Variants in SETX observed in about 807,000 individuals in gnomAD.
The protein encoded by SETX is senataxin, also known as helicase senataxin.
A neutral mutation model predicts 227.2 loss-of-function variants in SETX; 90 were observed. That is an observed-to-expected ratio of 0.40 (90% CI 0.33 to 0.47). The LOEUF (loss-of-function observed/expected upper bound fraction) is 0.47. Among genes scored for constraint, SETX ranks in the 20% least tolerant of loss-of-function variants. SETX has a pLI of 0.91. For missense variants in SETX, 3,052 were observed against 3,181.5 expected (o/e 0.96, Z 0.98); for synonymous variants, 1,210 against 1,113.2 (o/e 1.09, Z -1.73).
intron 15 of SETX, among the ~76,000 whole-genome samples, chr9:132,291,012 A>C (rs1183430251): frequency 2.6e-5 from 4 of 152,044 alleles, no homozygotes; most frequent in Admixed American, 2.6e-4. Context: ...TTTGATCACC[A>C]CCTAGAAGAG....
Position 132,328,650 on chromosome 9 carries a change from T to C in SETX, c.2948A>G (p.Asn983Ser), listed in dbSNP as rs1847014735. Residue 983 changes from asparagine to serine, a missense_variant, in exon 10 of 26, where the codon AAC becomes AGC. This residue lies in a region of SETX where 1,483 missense variants were observed against 1,312.0 expected (regional missense o/e 1.13). Transcript: ENST00000224140. ...TACTTTCCTTTGCAGCTGCGATGAGTTCTGAGGTGAATCGGATGGGAACGT... is the reference window on the plus strand; with the variant it reads ...TACTTTCCTTTGCAGCTGCGATGAGCTCTGAGGTGAATCGGATGGGAACGT... ...VITFPSDSPQ[N>S]SSQLQRKVKE... The C allele has an allele frequency of 1.9e-6, 3 of 1,613,414 alleles. No individual in the cohort carries two copies. The highest frequency in any genetic ancestry group is 1.1e-5 in the South Asian group (1 of 90,960).
In SETX at chr9:132,298,161, G is replaced by A. The variant is rs140223388; in HGVS notation, c.5700C>T (p.Asn1900=). Residue 1900 remains asparagine, a synonymous_variant, in exon 13 of 26, where the codon AAC becomes AAT. Transcript: ENST00000224140. ...GATTCAGAACAGCTCTAGCCAGTTG[G>A]TTCCGACTACCCAACAGAGACATGG... ...LKAMSLLGSR[N]QLARAVLNPN... 2 of 1,613,940 alleles carry A rather than the reference G, an allele frequency of 1.2e-6. No individual in the cohort carries two copies. The highest frequency in any genetic ancestry group is 2.7e-5 in the African/African-American group (2 of 74,888).
At chr9:132,295,745 C>T (rs983110151) in intron 15 of SETX, 127 bp downstream of exon 15, 7 of 891,146 alleles carry the variant, frequency 7.9e-6, no homozygotes, top group Non-Finnish European at 1.2e-5. Flanking sequence ...GCTAAATGAA[C>T]TCACAAGCCA....
At chr9:132,276,299 T>C (rs1356706129) in intron 22 of SETX, among the ~76,000 whole-genome samples, 1 of 152,182 alleles carries the variant, frequency 6.6e-6, no homozygotes, top group Non-Finnish European at 1.5e-5. Context: ...TTAAAACCTT[T>C]AGGCTGCAGT....
chr9:132,297,991 G>T, intron 13 of SETX, 89 bp downstream of exon 13: 1 of 1,122,792 alleles, frequency 8.9e-7, no homozygotes, highest in Non-Finnish European at 1.3e-6. Context: ...CATTTTTGTT[G>T]TAAACATATA....
chr9:132,292,637 T>TA (rs1844407777), intron 15 of SETX, among the ~76,000 whole-genome samples: 1 of 148,360 alleles, frequency 6.7e-6, no homozygotes, highest in South Asian at 2.1e-4. Flanking sequence ...TTTTTTTTTT[T>TA]TTTTTTTTTG....
intron 15 of SETX, among the ~76,000 whole-genome samples, chr9:132,290,770 C>A (rs13290812): frequency 2.0e-5 from 3 of 151,896 alleles, no homozygotes; most frequent in Non-Finnish European, 4.4e-5. Flanking sequence ...GTGGCCTCCC[C>A]CTGTGGTCCC....
rs145970369 is a variant in SETX at position 132,334,276 on chromosome 9, T to C, written c.838+332A>G. 3.1e-4 allele frequency among the ~76,000 whole-genome samples: 47 copies of C among 152,176 alleles called. 1 individual carries two copies. In the East Asian group the frequency reaches 9.1e-3, roughly 29 times the overall value. ...GCCTGACCAACGTGGTGAAACCCCGTCTCTACTAAAAATACAAAAAAATTA... is the reference window on the plus strand; with the variant it reads ...GCCTGACCAACGTGGTGAAACCCCGCCTCTACTAAAAATACAAAAAAATTA... On this transcript the variant is annotated intron_variant, in intron 7 of 25. Coordinates refer to ENST00000224140, the MANE Select transcript of SETX (RefSeq NM_015046.7).
intron 5 of SETX, among the ~76,000 whole-genome samples, chr9:132,340,317 G>T (rs1847883726): frequency 6.6e-6 from 1 of 152,044 alleles, no homozygotes; most frequent in Non-Finnish European, 1.5e-5. Context: ...ATTTCTTCTA[G>T]CATGTTTACT....
intron 15 of SETX, 79 bp downstream of exon 15, chr9:132,295,793 T>C (rs1564500686): frequency 1.5e-6 from 2 of 1,333,338 alleles, no homozygotes; most frequent in Non-Finnish European, 2.1e-6. Context: ...ACTGGCCTGC[T>C]CTTTCCTTTG....
Position 132,264,927 on chromosome 9 carries a change from TTAA to T in SETX, c.7343_7345del (p.Ile2448del). ...ATGTCTATAGTTTTTGTCACAGGTC[TTAA>T]TAATGGCACCACGCTTCTGAGCATC... On this transcript the variant is annotated inframe_deletion, in exon 26 of 26. Transcript: ENST00000224140. The T allele has an allele frequency of 6.2e-7, 1 of 1,614,186 alleles. No individual in the cohort carries two copies. The highest frequency in any genetic ancestry group is 8.5e-7 in the Non-Finnish European group (1 of 1,180,030).
intron 12 of SETX, among the ~76,000 whole-genome samples, chr9:132,299,056 G>C (rs1420613107): frequency 6.6e-6 from 1 of 152,208 alleles, no homozygotes; most frequent in Non-Finnish European, 1.5e-5. Flanking sequence ...TGACAGCTTG[G>C]ACCAGGAGGC....
At position 132,264,554 on chromosome 9, in the gene SETX, G is replaced by A. The variant is rs143797641; in HGVS notation, c.7719C>T (p.Gly2573=). 11 of 1,614,026 alleles carry A rather than the reference G, an allele frequency of 6.8e-6. No homozygotes were observed. In the East Asian group the frequency reaches 1.1e-4, roughly 16 times the overall value. Residue 2573 remains glycine, a synonymous_variant, in exon 26 of 26, where the codon GGC becomes GGT. Coordinates refer to ENST00000224140, the MANE Select transcript of SETX (RefSeq NM_015046.7). ...GGTGAACGACAGGGAAGCCCGGCTC[G>A]CCCGTAGGAGGTGTTGCTCCAGGAT... is the stretch of plus-strand genomic sequence containing the variant. ...PQHPGATPPT[G]EPGFPVVHQD...
intron 19 of SETX, 87 bp downstream of exon 19, chr9:132,283,177 T>A: frequency 1.3e-6 from 2 of 1,500,000 alleles, no homozygotes; most frequent in South Asian, 1.2e-5. Context: ...AAAAAACACA[T>A]TTCCTCAACA....
chr9:132,296,978 G>A lies in SETX; in HGVS notation c.5858C>T (p.Pro1953Leu), dbSNP rs749598296. The change falls in exon 14 of 26, where the codon CCA (proline) becomes CTA (leucine). Residue 1953 changes from proline to leucine, a missense_variant. Physicochemically the swap from Pro to Leu is moderately conservative, Grantham distance 98 (BLOSUM62 -3). Transcript: ENST00000224140. ...ETAYAMVKHS[P>L]SVAKICLIHG... ...AATCAAGCAGATTTTGGCAACTGAT[G>A]GTGAGTGTTTCACCATAGCATATGC... 13 of 1,613,768 alleles carry A rather than the reference G, an allele frequency of 8.1e-6. No individual in the cohort carries two copies. In the South Asian group the frequency reaches 1.2e-4, roughly 15 times the overall value.
intron 5 of SETX, among the ~76,000 whole-genome samples, chr9:132,340,069 C>G (rs75303767): frequency 0.022 from 3,319 of 152,068 alleles, 39 homozygotes; most frequent in South Asian, 0.041. Flanking sequence ...TTTGCTCATT[C>G]TGGTCTTCTA....
Position 132,264,274 on chromosome 9 carries a change from C to T in SETX, c.7999G>A (p.Glu2667Lys). Residue 2667 changes from glutamate (E) to lysine (K), a missense_variant, in exon 26 of 26, where the codon GAG becomes AAG. Around this residue, in one of 10 missense-constraint regions of SETX, gnomAD observed 294 missense variants for 278.8 expected, o/e 1.05. Coordinates refer to ENST00000224140, the MANE Select transcript of SETX (RefSeq NM_015046.7). ...SRWDKRTLEQEDSSSKKRKLL is the reference protein window; with the variant it reads ...SRWDKRTLEQKDSSSKKRKLL Reference sequence around the variant, plus strand: ...TTTCTTTTCTTGGAACTGCTGTCCTCCTGCTCCAGTGTCCTCTTGTCCCAC... The same window carrying T: ...TTTCTTTTCTTGGAACTGCTGTCCTTCTGCTCCAGTGTCCTCTTGTCCCAC... The T allele has an allele frequency of 6.2e-7, 1 of 1,614,182 alleles. No homozygotes were observed. Among genetic ancestry groups the T allele is most frequent in the Non-Finnish European group, 8.5e-7 (1 of 1,180,028 alleles).
chr9:132,321,921 G>A (rs1169158466), intron 10 of SETX, among the ~76,000 whole-genome samples: 3 of 152,152 alleles, frequency 2.0e-5, no homozygotes, highest in Non-Finnish European at 4.4e-5. Flanking sequence ...CTAATGAAGT[G>A]CCAATGGTCA....
rs201101604 is a variant in SETX, at chr9:132,278,055, A to G, written c.6842+15T>C. On this transcript the variant is annotated intron_variant, in intron 21 of 25. Coordinates refer to ENST00000224140, the MANE Select transcript of SETX (RefSeq NM_015046.7). ...CTACAACAAAATAAGGTCACAAACA[A>G]TAAGGGGAACTCACCTATTTGTTTT... 3 of 1,610,274 alleles carry G rather than the reference A, an allele frequency of 1.9e-6. No homozygotes were observed. The highest frequency in any genetic ancestry group is 1.7e-5 in the Admixed American group (1 of 60,016).
Sources: gnomAD v4.1 joint callset for allele counts (sites outside exome capture counted in the v4.1 genomes callset) on GRCh38, gnomAD v4.1.1 for gene constraint, gnomAD v4.1.1 regional missense constraint, MANE v1.5 for transcripts, NCBI Gene and HGNC (gene_info 2026-07-23, HGNC 2026-07-21) for gene names.